STK36: variants seen among roughly 807,000 people sequenced by gnomAD.
The protein encoded by STK36 is serine/threonine-protein kinase 36.
Under a neutral mutation model 142.2 loss-of-function variants are expected in STK36, and 116 were observed. The observed-to-expected ratio is 0.82, with a 90% CI of 0.70 to 0.95. STK36 has a LOEUF of 0.95. Among genes scored for constraint, STK36 ranks in the 40% least tolerant of loss-of-function variants. STK36 has a pLI of 0.00. For synonymous variants in STK36, 619 were observed against 641.7 expected, an observed-to-expected ratio of 0.96 and a Z score of 0.53; for missense variants, 1,422 against 1,617.2, an observed-to-expected ratio of 0.88 and a Z score of 2.07.
Position 218,701,858 on chromosome 2 carries a change from T to C in STK36, c.3805-8T>C. On this transcript the variant is annotated splice_polypyrimidine_tract_variant and splice_region_variant and intron_variant, in intron 26 of 26. Transcript: ENST00000295709. ...GTTCTGTTCTATCATCTGTTCTCTA[T>C]CCTACAGGTACTGGTGTCCCTGGGT... is the stretch of plus-strand genomic sequence containing the variant. 1 of 1,613,986 alleles carries C rather than the reference T, an allele frequency of 6.2e-7. No homozygotes were observed. Among genetic ancestry groups the C allele is most frequent in the Non-Finnish European group, 8.5e-7 (1 of 1,179,918 alleles).
intron 12 of STK36, 36 bp from the exon 13 acceptor site, chr2:218,689,823 A>G: frequency 6.4e-7 from 1 of 1,573,828 alleles, no homozygotes; most frequent in Non-Finnish European, 8.7e-7. Flanking sequence ...TCCATCCTTC[A>G]CATTGCCCTT....
rs867141789 is a variant in STK36, at chr2:218,693,964, C to T, written c.2317C>T (p.Leu773Phe). 6.2e-7 allele frequency: 1 copy of T among 1,614,228 alleles called. No homozygotes were observed. The highest frequency in any genetic ancestry group is 8.5e-7 in the Non-Finnish European group (1 of 1,180,038). ...LYFLSLLVFR[L>F]QNLPCGMEKL... ...CTTCCTCTCCCTTCTTGTCTTTCGG[C>T]TCCAAAACCTGCCTTGTGGGTAAGT... The change falls in exon 19 of 27, where the codon CTC (leucine) becomes TTC (phenylalanine). Residue 773 changes from leucine to phenylalanine, a missense_variant. Around this residue, in one of 2 missense-constraint regions of STK36, gnomAD observed 962 missense variants for 1,167.5 expected, o/e 0.82. Transcript: ENST00000295709.
rs1464746718 is a variant in STK36 at position 218,685,083 on chromosome 2, A to C, written c.1237-2A>C. The C allele has an allele frequency of 1.2e-6, 2 of 1,614,078 alleles. No homozygotes were observed. Among genetic ancestry groups the C allele is most frequent in the East Asian group, 4.5e-5 (2 of 44,884 alleles). ...GACCCCTTTCACTCCCCTCTGCCTC[A>C]GGAGCCAGACAGTGACAATGAGTGG... is the stretch of plus-strand genomic sequence containing the variant. On this transcript the variant is annotated splice_acceptor_variant, in intron 10 of 26. Transcript: ENST00000295709. LOFTEE classifies it high-confidence loss of function.
intron 10 of STK36, 186 bp from the exon 11 acceptor site, chr2:218,684,899 T>C: frequency 3.2e-6 from 2 of 623,720 alleles, no homozygotes; most frequent in South Asian, 2.5e-5. Context: ...CAAGAGACTC[T>C]TCCAGACCCC....
chr2:218,674,557 A>G (rs1315000622), intron 4 of STK36, among the ~76,000 whole-genome samples: 1 of 152,154 alleles, frequency 6.6e-6, no homozygotes, highest in Non-Finnish European at 1.5e-5. Flanking sequence ...CTGAGCACTC[A>G]CCACTATTTG....
At chr2:218,685,633 GA>G (rs918844586) in intron 11 of STK36, among the ~76,000 whole-genome samples, 9 of 152,120 alleles carry the variant, frequency 5.9e-5, no homozygotes. Context: ...CTAGTGAGAA[GA>G]ATGAGGTTAT....
intron 21 of STK36, among the ~76,000 whole-genome samples, chr2:218,696,240 A>G (rs1941230046): frequency 6.6e-6 from 1 of 152,010 alleles, no homozygotes; most frequent in Admixed American, 6.6e-5. Flanking sequence ...ATGTAATAAT[A>G]CTCATCTGCT....
At chr2:218,682,035 C>A (rs555295076) in intron 10 of STK36, among the ~76,000 whole-genome samples, 1 of 152,144 alleles carries the variant, frequency 6.6e-6, no homozygotes, top group South Asian at 2.1e-4. Context: ...TCAAGCGATT[C>A]TCCTGCCTCA....
intron 17 of STK36, 55 bp from the exon 18 acceptor site, chr2:218,693,668 C>T: frequency 2.0e-6 from 3 of 1,536,420 alleles, no homozygotes; most frequent in Non-Finnish European, 2.7e-6. Context: ...AGCCTTCAAT[C>T]TTGGAGCCCG....
intron 4 of STK36, 98 bp from the exon 5 acceptor site, chr2:218,675,245 G>A: frequency 7.5e-7 from 1 of 1,327,658 alleles, no homozygotes; most frequent in Non-Finnish European, 1.0e-6. Context: ...AGGGAAGGAA[G>A]AAAAGATTAG....
At chr2:218,681,445 TG>T (rs750082540) in intron 10 of STK36, among the ~76,000 whole-genome samples, 11 of 152,188 alleles carry the variant, frequency 7.2e-5, no homozygotes, top group Non-Finnish European at 1.3e-4. Flanking sequence ...TTTATTAATA[TG>T]TTTTTTTTGA....
intron 16 of STK36, 88 bp from the exon 17 acceptor site, chr2:218,693,152 A>G: frequency 9.0e-7 from 1 of 1,111,634 alleles, no homozygotes. Context: ...CTAGGAAGAG[A>G]CTGAGAGTCC....
rs952346091 is a variant in STK36, at chr2:218,702,658, T to C, written c.*649T>C. The stretch of plus-strand genomic sequence containing the variant: ...GCTCCCAGGACAAGGGTTGAGAGGC[T>C]CAACCCCTCTTTCAGCTTCTATGTG... On this transcript the variant is annotated 3_prime_UTR_variant, in exon 27 of 27. Transcript: ENST00000295709. 1.3e-5 allele frequency: 2 copies of C among 152,198 alleles called. No individual in the cohort carries two copies. Among genetic ancestry groups the C allele is most frequent in the African/African-American group, 4.8e-5 (2 of 41,450 alleles). 9.4% of individuals were successfully genotyped at this position (152,198 alleles called of 1,614,324 possible).
chr2:218,690,599 T>TC (rs1940963056), intron 14 of STK36, 44 bp downstream of exon 14: 2 of 1,439,992 alleles, frequency 1.4e-6, no homozygotes, highest in Non-Finnish European at 9.8e-7. Context: ...CCTATCATTC[T>TC]CCGTGTTTCT....
At chr2:218,686,980 C>T (rs1940805320) in intron 11 of STK36, among the ~76,000 whole-genome samples, 2 of 152,182 alleles carry the variant, frequency 1.3e-5, no homozygotes, top group Non-Finnish European at 2.9e-5. Flanking sequence ...GAGATAGTAT[C>T]TCATTGTTAT....
At position 218,672,893 on chromosome 2, in the gene STK36, C is replaced by T; in HGVS notation, c.64C>T (p.Arg22Ter). The change falls in exon 2 of 27, where the codon CGA becomes TGA. Residue 22 changes from arginine to a stop codon, truncating the protein, a stop_gained. Transcript: ENST00000295709. LOFTEE classifies it high-confidence loss of function. ...EGSFGRVYKG[R>*]RKYSAQVVAL... is the part of the protein sequence containing the mutation. ...CTCTTTTGGGAGGGTGTACAAGGGT[C>T]GAAGAAAATACAGTGCTCAGGTGTT... 1.2e-6 allele frequency: 2 copies of T among 1,613,846 alleles called. No homozygotes were observed. Among genetic ancestry groups the T allele is most frequent in the Non-Finnish European group, 1.7e-6 (2 of 1,179,938 alleles).
intron 10 of STK36, among the ~76,000 whole-genome samples, chr2:218,683,232 C>T (rs1225576282): frequency 6.6e-6 from 1 of 151,714 alleles, no homozygotes; most frequent in Non-Finnish European, 1.5e-5. Flanking sequence ...TCTCAGCCTC[C>T]TGAGTAGCTG....
In STK36 at chr2:218,673,983, C is replaced by T. The variant is rs766017157; in HGVS notation, c.303+27C>T. On this transcript the variant is annotated intron_variant, in intron 4 of 26. Transcript: ENST00000295709. ...TATGCTTTCTGCCTTCAACTTCTCC[C>T]CACCTCCGACCTCTCTCCAGGTTAG... 6.2e-6 allele frequency: 10 copies of T among 1,600,382 alleles called. No homozygotes were observed. In the Admixed American group the frequency reaches 8.6e-5, roughly 14 times the overall value.
rs531840205 is a variant in STK36, at chr2:218,679,525, CA to C, written c.779-34del. 2.4e-5 allele frequency: 39 copies of C among 1,600,532 alleles called. No homozygotes were observed. In the African/African-American group the frequency reaches 5.1e-4, roughly 21 times the overall value. On this transcript the variant is annotated intron_variant, in intron 7 of 26. Coordinates refer to ENST00000295709, the MANE Select transcript of STK36 (RefSeq NM_015690.5). Reference sequence around the variant, plus strand: ...AAGTGGACACAGGGACTATGGCCCCCATGATCATGTCTTCCTCCTCTTCCCT... The same window carrying C: ...AAGTGGACACAGGGACTATGGCCCCCTGATCATGTCTTCCTCCTCTTCCCT...
Sources: allele counts gnomAD v4.1 joint callset (sites outside exome capture counted in the v4.1 genomes callset), GRCh38; gene constraint gnomAD v4.1.1; regional missense constraint gnomAD v4.1.1; transcripts MANE v1.5; gene names NCBI Gene and HGNC (gene_info 2026-07-23, HGNC 2026-07-21).